The following CPQ variants were observed in gnomAD, a reference collection of about 807,000 sequenced individuals.
CPQ encodes carboxypeptidase Q.
Under a neutral mutation model 45.7 loss-of-function variants are expected in CPQ, and 37 were observed. That is an observed-to-expected ratio of 0.81 (90% CI 0.62 to 1.07). The LOEUF is 1.07. Among genes scored for constraint, CPQ ranks in the 50% least tolerant of loss-of-function variants. The pLI, the probability that CPQ is intolerant of heterozygous loss-of-function variation, is 0.00. For synonymous variants in CPQ, 186 were observed against 205.8 expected, an observed-to-expected ratio of 0.90 and a Z score of 0.82; for missense variants, 537 against 572.9, an observed-to-expected ratio of 0.94 and a Z score of 0.64.
At chr8:97,111,373 G>A (rs577138007) in intron 7 of CPQ, among the ~76,000 whole-genome samples, 1 of 152,260 alleles carries the variant, frequency 6.6e-6, no homozygotes, top group East Asian at 1.9e-4. Flanking sequence ...ACCTTCCCAG[G>A]ATGAGATGAC....
rs896496907 is a variant in CPQ at position 96,710,811 on chromosome 8, G to A, written c.-35+65409G>A. ...TGTTCCATGTGTTAATGAGAAGAAT[G>A]TATATTCTGCAATTCTTGGGTAGAA... On this transcript the variant is annotated intron_variant, in intron 1 of 7. Coordinates refer to ENST00000220763, the MANE Select transcript of CPQ (RefSeq NM_016134.4). Among the ~76,000 whole-genome samples, 19 of 152,300 alleles carry A rather than the reference G, an allele frequency of 1.2e-4. No individual in the cohort carries two copies. The South Asian group carries it at 1.5e-3, about 12-fold the overall frequency.
intron 2 of CPQ, among the ~76,000 whole-genome samples, chr8:96,806,966 A>G (rs546142358): frequency 1.3e-5 from 2 of 152,356 alleles, no homozygotes; most frequent in Admixed American, 6.5e-5. Context: ...AAATGTATAT[A>G]CCTATTATGT....
chr8:97,109,931 T>G (rs1325719114), intron 7 of CPQ, among the ~76,000 whole-genome samples: 1 of 152,174 alleles, frequency 6.6e-6, no homozygotes, highest in Non-Finnish European at 1.5e-5. Context: ...GGAGCCTTCT[T>G]GAGGCAGCAC....
At chr8:96,932,869 C>T (rs1812992533) in intron 4 of CPQ, among the ~76,000 whole-genome samples, 1 of 152,136 alleles carries the variant, frequency 6.6e-6, no homozygotes, top group Non-Finnish European at 1.5e-5. Context: ...CAAATGTCTG[C>T]ATGAGTGAGT....
chr8:97,022,978 GTATATAGTA>G (rs1389790799), intron 5 of CPQ, among the ~76,000 whole-genome samples: 5 of 45,130 alleles, frequency 1.1e-4, no homozygotes, highest in East Asian at 4.7e-4. Flanking sequence ...TATATATACT[GTATATAGTA>G]TATATATACA....
At chr8:96,766,575 C>A (rs1368920411) in intron 1 of CPQ, among the ~76,000 whole-genome samples, 2 of 152,190 alleles carry the variant, frequency 1.3e-5, no homozygotes, top group Non-Finnish European at 2.9e-5. Flanking sequence ...CAGGCAGCAG[C>A]CATCATCTGT....
chr8:97,138,294 T>C (rs1812098487), intron 7 of CPQ, among the ~76,000 whole-genome samples: 1 of 152,184 alleles, frequency 6.6e-6, no homozygotes, highest in African/African-American at 2.4e-5. Context: ...CCTGTGCCTA[T>C]ATCTGTCTGT....
intron 7 of CPQ, among the ~76,000 whole-genome samples, chr8:97,085,517 A>G (rs1811026022): frequency 6.6e-6 from 1 of 152,160 alleles, no homozygotes; most frequent in South Asian, 2.1e-4. Flanking sequence ...CTGAAGCTGA[A>G]TCTACATGTC....
At chr8:96,879,395 G>A (rs1179842284) in intron 3 of CPQ, among the ~76,000 whole-genome samples, 1 of 152,178 alleles carries the variant, frequency 6.6e-6, no homozygotes, top group African/African-American at 2.4e-5. Context: ...AGAACTACAT[G>A]TATCTGGGCC....
chr8:96,766,927 C>T (rs1227712520), intron 1 of CPQ, among the ~76,000 whole-genome samples: 10 of 152,162 alleles, frequency 6.6e-5, no homozygotes, highest in Non-Finnish European at 1.3e-4. Flanking sequence ...TGTACTCTCC[C>T]CTCCTAAGAA....
At chr8:96,677,134 T>C (rs1197156738) in intron 1 of CPQ, among the ~76,000 whole-genome samples, 2 of 152,050 alleles carry the variant, frequency 1.3e-5, no homozygotes, top group Non-Finnish European at 2.9e-5. Flanking sequence ...GCTGTAAAAA[T>C]GCATATGCAT....
chr8:96,727,038 G>A (rs1809852720), intron 1 of CPQ, among the ~76,000 whole-genome samples: 1 of 152,124 alleles, frequency 6.6e-6, no homozygotes, highest in East Asian at 1.9e-4. Context: ...GGGAAATTGG[G>A]TTATTTCTAG....
At chr8:96,779,074 A>AC (rs1431802551) in intron 1 of CPQ, among the ~76,000 whole-genome samples, 15 of 151,978 alleles carry the variant, frequency 9.9e-5, no homozygotes, top group African/African-American at 3.6e-4. Flanking sequence ...AAAAAAAAAA[A>AC]AAAAAAGGCA....
intron 1 of CPQ, among the ~76,000 whole-genome samples, chr8:96,772,575 C>T (rs914503207): frequency 6.6e-6 from 1 of 151,978 alleles, no homozygotes; most frequent in East Asian, 1.9e-4. Context: ...AAGGAGAAGC[C>T]TTAGGAATCA....
intron 3 of CPQ, among the ~76,000 whole-genome samples, chr8:96,860,215 A>G (rs911518859): frequency 1.3e-5 from 2 of 152,168 alleles, no homozygotes; most frequent in South Asian, 2.1e-4. Context: ...TGATCATGCC[A>G]TGGATTACAA....
At chr8:96,874,994 G>A (rs1227962061) in intron 3 of CPQ, among the ~76,000 whole-genome samples, 3 of 151,690 alleles carry the variant, frequency 2.0e-5, no homozygotes, top group Non-Finnish European at 1.5e-5. Context: ...CCCAATGCTT[G>A]TTTTTATCTC....
chr8:96,715,454 G>C (rs1809661352), intron 1 of CPQ, among the ~76,000 whole-genome samples: 1 of 152,184 alleles, frequency 6.6e-6, no homozygotes, highest in African/African-American at 2.4e-5. Context: ...CCTGAACCTG[G>C]AGGGCACTCC....
intron 1 of CPQ, among the ~76,000 whole-genome samples, chr8:96,767,238 A>G (rs1335033076): frequency 6.6e-6 from 1 of 152,196 alleles, no homozygotes; most frequent in Non-Finnish European, 1.5e-5. Context: ...GTAGATCGCA[A>G]GGCAATTATG....
chr8:96,762,817 T>G (rs1810421099), intron 1 of CPQ, among the ~76,000 whole-genome samples: 1 of 152,186 alleles, frequency 6.6e-6, no homozygotes, highest in Non-Finnish European at 1.5e-5. Context: ...CTTCTAGAAG[T>G]TTTTATGATT....
Sources: gnomAD v4.1 joint callset for allele counts (sites outside exome capture counted in the v4.1 genomes callset) on GRCh38, gnomAD v4.1.1 for gene constraint, MANE v1.5 for transcripts, NCBI Gene and HGNC (gene_info 2026-07-23, HGNC 2026-07-21) for gene names.